Variants in DLGAP3 observed in about 807,000 individuals in gnomAD.
DLGAP3 encodes the protein DLG associated protein 3.
Under a neutral mutation model 81.2 loss-of-function variants are expected in DLGAP3, and 17 were observed. The observed-to-expected ratio is 0.21, with a 90% CI of 0.14 to 0.31. DLGAP3 has a LOEUF of 0.31. Among genes scored for constraint, DLGAP3 ranks in the 10% least tolerant of loss-of-function variants. DLGAP3 has a pLI of 1.00. For synonymous variants in DLGAP3, 577 were observed against 587.4 expected, an observed-to-expected ratio of 0.98 and a Z score of 0.26; for missense variants, 1,124 against 1,388.0, an observed-to-expected ratio of 0.81 and a Z score of 3.02.
rs578231245 is a variant in DLGAP3 at position 34,874,096 on chromosome 1, T to C, written c.2001-5007A>G. Among the ~76,000 whole-genome samples, 110 of 152,318 alleles carry C rather than the reference T, an allele frequency of 7.2e-4. No homozygotes were observed. In the Middle Eastern group the frequency reaches 0.017, roughly 24 times the overall value. On this transcript the variant is annotated intron_variant, in intron 8 of 11. Transcript: ENST00000373347. ...AGGAGGGGGTATGCCCTTCCTTGTC[T>C]CTTCCTCCTTCCCGATCACCAGAAT... is the stretch of plus-strand genomic sequence containing the variant.
Position 34,868,675 on chromosome 1 carries a change from C to T in DLGAP3, c.2415G>A (p.Glu805=). ...GGCACCAGTGCTCCAGCTTCTCCAC[C>T]TCTGCCCGCAGCATCTTGATGAACC... ...GEWFIKMLRA[E]VEKLEHWCQQ... is the part of the protein sequence containing the mutation. The change falls in exon 9 of 12, where the codon GAG becomes GAA. Residue 805 remains glutamate (E), a synonymous_variant. Coordinates refer to ENST00000373347, the MANE Select transcript of DLGAP3 (RefSeq NM_001080418.3). This position sits in a 1 kb window ranked among gnomAD's most constrained non-coding sequence, Gnocchi z 7.5. 1 of 1,612,696 alleles carries T rather than the reference C, an allele frequency of 6.2e-7. No homozygotes were observed.
chr1:34,917,126 A>G (rs1639731125), intron 1 of DLGAP3, among the ~76,000 whole-genome samples: 1 of 152,086 alleles, frequency 6.6e-6, no homozygotes, highest in South Asian at 2.1e-4. Flanking sequence ...TCTCTTCCTC[A>G]TACACAGCTA....
chr1:34,897,763 A>T (rs540037751), intron 5 of DLGAP3, among the ~76,000 whole-genome samples: 1 of 152,226 alleles, frequency 6.6e-6, no homozygotes, highest in Non-Finnish European at 1.5e-5. Context: ...AGACAAAAGG[A>T]CATGGTGCCT....
intron 4 of DLGAP3, 131 bp from the exon 5 acceptor site, chr1:34,899,872 C>G (rs865787291): frequency 1.3e-5 from 13 of 992,200 alleles, no homozygotes; most frequent in Non-Finnish European, 2.0e-5. Context: ...CTTAGGAGAC[C>G]CTGGGTAAAG....
chr1:34,908,978 A>G lies in DLGAP3; in HGVS notation c.-134-1541T>C, dbSNP rs74064472. ...GGAAGCATCTCTCTGCCTTGGAAAG[A>G]AGACAGAAAGCCTGGTCCTTCATCC... On this transcript the variant is annotated intron_variant, in intron 1 of 11. Coordinates refer to ENST00000373347, the MANE Select transcript of DLGAP3 (RefSeq NM_001080418.3). Among the ~76,000 whole-genome samples the G allele has an allele frequency of 4.7e-3, 711 of 152,356 alleles. 8 individuals are homozygous for G. Among genetic ancestry groups the G allele is most frequent in the African/African-American group, 0.016 (685 of 41,582 alleles).
At position 34,865,714 on chromosome 1, in the gene DLGAP3, G is replaced by T. The variant is rs1456272439; in HGVS notation, c.*369C>A. 1 of 330,188 alleles carries T rather than the reference G, an allele frequency of 3.0e-6. No individual in the cohort carries two copies. The highest frequency in any genetic ancestry group is 2.4e-5 in the African/African-American group (1 of 42,372). The allele number at this position is 330,188 out of a possible 1,614,324, so 20.5% of individuals were successfully genotyped here. On this transcript the variant is annotated 3_prime_UTR_variant, in exon 12 of 12. Transcript: ENST00000373347. ...CTTGATCCCCACGAAGCCCAGCCCC[G>T]CGGGGTGGGGGAGGGGGGGACGCAG...
At chr1:34,885,248 G>C (rs1040875585) in intron 7 of DLGAP3, among the ~76,000 whole-genome samples, 185 bp from the exon 8 acceptor site, 1 of 152,232 alleles carries the variant, frequency 6.6e-6, no homozygotes, top group Non-Finnish European at 1.5e-5. Context: ...ACTGGGCACA[G>C]CCCTCCAGCC....
intron 5 of DLGAP3, among the ~76,000 whole-genome samples, chr1:34,889,051 G>T (rs2148404139): frequency 6.6e-6 from 1 of 152,310 alleles, no homozygotes; most frequent in Middle Eastern, 3.4e-3. Context: ...TGTGTATAAA[G>T]CACTAGGCAT....
rs373602043 is a variant in DLGAP3, at chr1:34,885,036, C to G, written c.1942G>C (p.Glu648Gln). The change falls in exon 8 of 12, where the codon GAG becomes CAG. Residue 648 changes from glutamate to glutamine, a missense_variant. Glu to Gln is a conservative substitution (Grantham distance 29). This residue lies in a region of DLGAP3 where 379 missense variants were observed against 455.7 expected (regional missense o/e 0.83). Transcript: ENST00000373347. ...QVETISDSDT[E>Q]NRSRREFHSI... Reference sequence around the variant, plus strand: ...TGGAACTCCCTCCGGCTCCTGTTCTCGGTGTCCGAATCTGAGATCGTCTCC... The same window carrying G: ...TGGAACTCCCTCCGGCTCCTGTTCTGGGTGTCCGAATCTGAGATCGTCTCC... The G allele has an allele frequency of 6.2e-7, 1 of 1,613,402 alleles. No homozygotes were observed. The highest frequency in any genetic ancestry group is 1.3e-5 in the African/African-American group (1 of 74,906).
rs187760017 is a variant in DLGAP3, at chr1:34,908,756, A to C, written c.-134-1319T>G. On this transcript the variant is annotated intron_variant, in intron 1 of 11. Coordinates refer to ENST00000373347, the MANE Select transcript of DLGAP3 (RefSeq NM_001080418.3). ...TCTTCCATAGAGGACAAGGTGAGAC[A>C]TACCCAGCCCCTGGCCCACCCTGGA... is the stretch of plus-strand genomic sequence containing the variant. Among the ~76,000 whole-genome samples the C allele has an allele frequency of 1.4e-3, 216 of 152,296 alleles. 1 individual carries two copies. The highest frequency in any genetic ancestry group is 4.9e-3 in the African/African-American group (205 of 41,558).
At chr1:34,892,954 T>C (rs1166181417) in intron 5 of DLGAP3, among the ~76,000 whole-genome samples, 5 of 151,228 alleles carry the variant, frequency 3.3e-5, no homozygotes, top group Non-Finnish European at 7.4e-5. Context: ...GGGTGGATCA[T>C]GAGGTCAGGA....
intron 6 of DLGAP3, 81 bp downstream of exon 6, chr1:34,885,991 A>G (rs1639220469): frequency 2.1e-6 from 3 of 1,396,868 alleles, no homozygotes; most frequent in Non-Finnish European, 2.9e-6. Context: ...GGGTCACAGC[A>G]CAGTCGAGGG....
At chr1:34,916,114 C>T (rs1408699098) in intron 1 of DLGAP3, among the ~76,000 whole-genome samples, 7 of 152,126 alleles carry the variant, frequency 4.6e-5, no homozygotes, top group Non-Finnish European at 1.0e-4. Flanking sequence ...GCAACTGAGC[C>T]ATCAAGGAGT....
chr1:34,900,285 G>T lies in DLGAP3; in HGVS notation c.1108-12C>A. The T allele has an allele frequency of 6.2e-7, 1 of 1,612,590 alleles. No individual in the cohort carries two copies. Among genetic ancestry groups the T allele is most frequent in the Non-Finnish European group, 8.5e-7 (1 of 1,179,182 alleles). ...TCATCTTGCGGCACCTGCAGGAACA[G>T]GGGTCTCTGTCTCTCAGACATGACC... On this transcript the variant is annotated splice_polypyrimidine_tract_variant and intron_variant, in intron 3 of 11. Transcript: ENST00000373347. This position sits in a 1 kb window ranked among gnomAD's most constrained non-coding sequence, Gnocchi z 5.6.
intron 3 of DLGAP3, among the ~76,000 whole-genome samples, chr1:34,901,951 T>C (rs1056909825): frequency 8.4e-4 from 128 of 152,084 alleles, no homozygotes; most frequent in African/African-American, 2.9e-3. Context: ...AGTTCAGGGA[T>C]GGAGGGGGTC....
chr1:34,926,059 T>A (rs1639867456), intron 1 of DLGAP3, among the ~76,000 whole-genome samples: 1 of 152,188 alleles, frequency 6.6e-6, no homozygotes, highest in Admixed American at 6.5e-5. Context: ...AGCTAGCCTG[T>A]ATAAGTTTAT....
At chr1:34,916,656 ATTTTATTTTATTTTATTTTAT>A (rs1300752527) in intron 1 of DLGAP3, among the ~76,000 whole-genome samples, 1 of 1,198 alleles carries the variant, frequency 8.3e-4, no homozygotes, top group African/African-American at 1.1e-3. Flanking sequence ...TTTTTATTTT[ATTTTATTTTATTTTATTTTAT>A]TTTATTTTAT....
chr1:34,926,919 A>G (rs1639880881), intron 1 of DLGAP3, among the ~76,000 whole-genome samples: 1 of 152,214 alleles, frequency 6.6e-6, no homozygotes, highest in African/African-American at 2.4e-5. Flanking sequence ...AATGCACTGG[A>G]AACTGGGGAG....
chr1:34,893,197 A>G (rs1301280841), intron 5 of DLGAP3, among the ~76,000 whole-genome samples: 3 of 151,858 alleles, frequency 2.0e-5, no homozygotes, highest in Non-Finnish European at 4.4e-5. Context: ...AAAAAAAAAA[A>G]AACAATGAAC....
Sources: allele counts gnomAD v4.1 joint callset (sites outside exome capture counted in the v4.1 genomes callset), GRCh38; gene constraint gnomAD v4.1.1; regional missense constraint gnomAD v4.1.1; non-coding constraint Gnocchi (gnomAD v3.1); transcripts MANE v1.5; gene names NCBI Gene and HGNC (gene_info 2026-07-23, HGNC 2026-07-21).